The following FAM234A variants were observed in gnomAD, a reference collection of about 807,000 sequenced individuals.
FAM234A encodes family with sequence similarity 234 member A.
A neutral mutation model predicts 49.1 loss-of-function variants in FAM234A; 42 were observed. That is an observed-to-expected ratio of 0.86 (90% CI 0.67 to 1.11). The LOEUF is 1.11. Ranked by LOEUF, FAM234A falls within the 50% of genes least tolerant of loss-of-function variation. The pLI, the probability that FAM234A is intolerant of heterozygous loss-of-function variation, is 0.00. For synonymous variants in FAM234A, 369 were observed against 316.2 expected (o/e 1.17, Z -1.77); for missense variants, 815 against 745.2 (o/e 1.09, Z -1.09).
At chr16:242,845 C>G (rs1319687413) in intron 1 of FAM234A, among the ~76,000 whole-genome samples, 1 of 152,170 alleles carries the variant, frequency 6.6e-6, no homozygotes, top group Non-Finnish European at 1.5e-5. Flanking sequence ...AACTCCTGAC[C>G]TTGCGATCCA....
At position 264,741 on chromosome 16, in the gene FAM234A, C is replaced by T. The variant is rs765141947; in HGVS notation, c.1447+25C>T. On this transcript the variant is annotated intron_variant, in intron 12 of 12. Coordinates refer to ENST00000399932, the MANE Select transcript of FAM234A (RefSeq NM_032039.4). ...GGTGAGTGTGGCCTCGGCCAGGGAC[C>T]CGGGTGTTCCGCGGGGTCTGCCCTG... 14 of 1,607,962 alleles carry T rather than the reference C, an allele frequency of 8.7e-6. No homozygotes were observed. The South Asian group carries it at 1.2e-4, about 14-fold the overall frequency.
intron 12 of FAM234A, 22 bp downstream of exon 12, chr16:264,738 G>T: frequency 6.2e-7 from 1 of 1,608,734 alleles, no homozygotes. Flanking sequence ...CTCGGCCAGG[G>T]ACCCGGGTGT....
At chr16:242,434 G>A (rs1261936480) in intron 1 of FAM234A, among the ~76,000 whole-genome samples, 1 of 151,986 alleles carries the variant, frequency 6.6e-6, no homozygotes, top group African/African-American at 2.4e-5. Context: ...GCCTGGTCTT[G>A]AACTCCTGTC....
At chr16:254,208 A>C (rs2051135363) in intron 2 of FAM234A, 173 bp from the exon 3 acceptor site, 4 of 638,810 alleles carry the variant, frequency 6.3e-6, no homozygotes, top group Non-Finnish European at 1.1e-5. Flanking sequence ...CTTAAGTATA[A>C]TCTGTTAAGA....
downstream of FAM234A, chr16:268,694 G>A: frequency 7.0e-7 from 1 of 1,437,266 alleles, no homozygotes; most frequent in South Asian, 1.2e-5. Flanking sequence ...AACGCGTTTG[G>A]CGAGGGAGGA....
chr16:254,333 G>C, intron 2 of FAM234A, 48 bp from the exon 3 acceptor site: 3 of 1,517,688 alleles, frequency 2.0e-6, no homozygotes, highest in Admixed American at 3.6e-5. Context: ...CTGCAGCTTT[G>C]TGCCGTGGGA....
chr16:251,647 G>A (rs759669418), intron 2 of FAM234A, among the ~76,000 whole-genome samples: 2 of 142,508 alleles, frequency 1.4e-5, no homozygotes, highest in Admixed American at 7.1e-5. Context: ...AGAGTGCTGC[G>A]ATTACAGGCA....
chr16:265,810 T>G lies in FAM234A; in HGVS notation c.*788T>G. On this transcript the variant is annotated 3_prime_UTR_variant, in exon 13 of 13. Coordinates refer to ENST00000399932, the MANE Select transcript of FAM234A (RefSeq NM_032039.4). ...TGGAATGCGTGTTTGGGTCAGTCTG[T>G]GCCCTCTCAGTAGACACTGGAGCTG... The G allele has an allele frequency of 1.0e-6, 1 of 985,802 alleles. No individual in the cohort carries two copies. 61.1% of individuals were successfully genotyped at this position (985,802 alleles called of 1,614,324 possible).
Position 265,371 on chromosome 16 carries a change from C to A in FAM234A, c.*349C>A. The A allele has an allele frequency of 9.4e-7, 1 of 1,065,240 alleles. No individual in the cohort carries two copies. The highest frequency in any genetic ancestry group is 1.1e-6 in the Non-Finnish European group (1 of 880,990). The allele number at this position is 1,065,240 out of a possible 1,614,324, so 66.0% of individuals were successfully genotyped here. A position where few individuals can be genotyped will look rare whatever the true frequency, so the allele number is the denominator to read the frequency against. On this transcript the variant is annotated 3_prime_UTR_variant, in exon 13 of 13. Coordinates refer to ENST00000399932, the MANE Select transcript of FAM234A (RefSeq NM_032039.4). ...TGCAGCACCCCATCCTTACCCGGTG[C>A]CCTCTCCTTGCCAGCTTCTCCCCAG... is the stretch of plus-strand genomic sequence containing the variant.
At chr16:266,352 C>G (rs1256023756), downstream of FAM234A, among the ~76,000 whole-genome samples, 1 of 152,214 alleles carries the variant, frequency 6.6e-6, no homozygotes, top group African/African-American at 2.4e-5. Flanking sequence ...GCACCCTGGC[C>G]CCATGCAAGC....
rs1157454467 is a variant in FAM234A, at chr16:263,758, A to G, written c.1171A>G (p.Thr391Ala). The change falls in exon 10 of 13, where the codon ACT becomes GCT. Residue 391 changes from threonine to alanine, a missense_variant. Physicochemically the swap from Thr to Ala is moderately conservative, Grantham distance 58 (BLOSUM62 0). Transcript: ENST00000399932. The stretch of plus-strand genomic sequence containing the variant: ...CTTGGCTGTAGCCGTTGAAAACGGA[A>G]CTGGCACCGACAGACAGGTTCGTTG... Reference protein sequence around the residue: ...DTLAVAVENGTGTDRQILFLD... With the variant: ...DTLAVAVENGAGTDRQILFLD... 1 of 1,613,690 alleles carries G rather than the reference A, an allele frequency of 6.2e-7. No homozygotes were observed. Among genetic ancestry groups the G allele is most frequent in the South Asian group, 1.1e-5 (1 of 91,074 alleles).
intron 1 of FAM234A, among the ~76,000 whole-genome samples, chr16:244,608 C>T (rs916228111): frequency 6.6e-6 from 1 of 150,734 alleles, no homozygotes. Flanking sequence ...TTTTGGACTA[C>T]TTATAGATTC....
At chr16:249,742 C>G (rs2030941832) in intron 2 of FAM234A, 88 bp downstream of exon 2, 1 of 152,004 alleles carries the variant, frequency 6.6e-6, no homozygotes, top group African/African-American at 2.4e-5. Context: ...TTGAGTAGTG[C>G]TTTCCTGCAC....
intron 4 of FAM234A, 33 bp from the exon 5 acceptor site, chr16:259,936 G>A (rs145523398): frequency 1.3e-6 from 2 of 1,598,726 alleles, no homozygotes; most frequent in South Asian, 2.2e-5. Flanking sequence ...CCCAGATGGT[G>A]CAACAGTGAG....
At chr16:235,767 C>G (rs539170773) in intron 1 of FAM234A, among the ~76,000 whole-genome samples, 1 of 152,146 alleles carries the variant, frequency 6.6e-6, no homozygotes, top group Non-Finnish European at 1.5e-5. Flanking sequence ...GTTGTAGGAG[C>G]TAAGGATATA....
chr16:254,856 C>G (rs1171467944), intron 3 of FAM234A, among the ~76,000 whole-genome samples, 175 bp downstream of exon 3: 1 of 152,144 alleles, frequency 6.6e-6, no homozygotes, highest in Non-Finnish European at 1.5e-5. Flanking sequence ...GAGCGATAGA[C>G]CAGCCTTTTT....
rs1400395252 is a variant in FAM234A at position 265,961 on chromosome 16, G to A, written c.*939G>A. On this transcript the variant is annotated 3_prime_UTR_variant, in exon 13 of 13. Coordinates refer to ENST00000399932, the MANE Select transcript of FAM234A (RefSeq NM_032039.4). ...ACCTCTGTGCCTTGCTGCTCCTGAG[G>A]CCCAAGGGCAGCCATGGTGCTCTGT... 1 of 985,970 alleles carries A rather than the reference G, an allele frequency of 1.0e-6. No individual in the cohort carries two copies. The highest frequency in any genetic ancestry group is 1.1e-4 in the East Asian group (1 of 8,828). 61.1% of individuals were successfully genotyped at this position (985,970 alleles called of 1,614,324 possible).
intron 1 of FAM234A, among the ~76,000 whole-genome samples, chr16:245,417 G>C (rs2050770654): frequency 1.3e-5 from 2 of 152,212 alleles, no homozygotes; most frequent in Admixed American, 1.3e-4. Flanking sequence ...GTGAGACTGA[G>C]TGTGTTTCCC....
downstream of FAM234A, among the ~76,000 whole-genome samples, chr16:267,724 C>A (rs1317866980): frequency 1.4e-5 from 2 of 148,118 alleles, no homozygotes; most frequent in Non-Finnish European, 3.0e-5. Flanking sequence ...TGCGTACACA[C>A]CACACGTGTG....
Sources: allele counts gnomAD v4.1 joint callset (sites outside exome capture counted in the v4.1 genomes callset), GRCh38; gene constraint gnomAD v4.1.1; transcripts MANE v1.5; gene names NCBI Gene and HGNC (gene_info 2026-07-23, HGNC 2026-07-21).